Variants in AFF2 observed in about 807,000 individuals in gnomAD.
AFF2 encodes AF4/FMR2 family member 2.
Under a neutral mutation model 76.9 loss-of-function variants are expected in AFF2, and 14 were observed. That is an observed-to-expected ratio of 0.18 (90% CI 0.12 to 0.28). AFF2 has a LOEUF of 0.28. AFF2 is among the 10% of genes least tolerant of loss of function. The probability of loss-of-function intolerance (pLI) is 1.00; values close to 1 mark genes in which losing one functional copy is unlikely to be tolerated. For synonymous variants in AFF2, 398 were observed against 366.7 expected, an observed-to-expected ratio of 1.09 and a Z score of -0.98; for missense variants, 868 against 1,001.1, an observed-to-expected ratio of 0.87 and a Z score of 1.79.
intron 3 of AFF2, among the ~76,000 whole-genome samples, chrX:148,747,481 T>C (rs1157159946): frequency 1.8e-5 from 2 of 112,199 alleles, no homozygotes; most frequent in Non-Finnish European, 3.8e-5. Flanking sequence ...TTTGAATCTT[T>C]ATTATAAGAC....
intron 3 of AFF2, among the ~76,000 whole-genome samples, chrX:148,783,293 C>G (rs1308609839): frequency 9.0e-6 from 1 of 111,710 alleles, no homozygotes; most frequent in Non-Finnish European, 1.9e-5. Context: ...CACCATGAAC[C>G]ACCAAGAGGT....
chrX:148,581,164 CACATACAT>C (rs782091812), intron 1 of AFF2, among the ~76,000 whole-genome samples: 1 of 86,740 alleles, frequency 1.2e-5, no homozygotes, highest in Non-Finnish European at 2.4e-5. Flanking sequence ...TACGTATACA[CACATACAT>C]ATACGTATAC....
rs782001141 is a variant in AFF2, at chrX:148,675,726, G to A, written c.1041+12958G>A. Among the ~76,000 whole-genome samples the A allele has an allele frequency of 3.6e-5, 4 of 109,708 alleles. No individual in the cohort carries two copies. In the South Asian group the frequency reaches 1.6e-3, roughly 44 times the overall value. ...GACCAGGATGTTCATCCTGAGTGGG[G>A]TCTGACTAAATGTTCTCTCCTGTGT... On this transcript the variant is annotated intron_variant, in intron 3 of 20. Coordinates refer to ENST00000370460, the MANE Select transcript of AFF2 (RefSeq NM_002025.4).
At chrX:148,660,911 C>T (rs1180953396) in intron 2 of AFF2, among the ~76,000 whole-genome samples, 2 of 112,556 alleles carry the variant, frequency 1.8e-5, no homozygotes, top group African/African-American at 3.2e-5. Context: ...TCCAAGTATA[C>T]AGCTACCCAC....
intron 3 of AFF2, among the ~76,000 whole-genome samples, chrX:148,671,011 T>C (rs914415673): frequency 4.5e-5 from 5 of 110,762 alleles, no homozygotes; most frequent in Non-Finnish European, 9.4e-5. Flanking sequence ...CTTTCTCCTA[T>C]GTATTTTTTT....
chrX:148,595,571 T>G (rs2053564309), intron 1 of AFF2, among the ~76,000 whole-genome samples: 1 of 112,330 alleles, frequency 8.9e-6, no homozygotes, highest in Admixed American at 9.4e-5. Flanking sequence ...GTTGGATTAG[T>G]GATATGTGCA....
intron 1 of AFF2, among the ~76,000 whole-genome samples, chrX:148,635,942 C>T (rs895802306): frequency 2.3e-4 from 25 of 110,675 alleles, no homozygotes; most frequent in Admixed American, 6.8e-4. Flanking sequence ...ATGGAATAAG[C>T]AAGCCCACAG....
chrX:148,754,847 C>A (rs2055542713), intron 3 of AFF2, among the ~76,000 whole-genome samples: 1 of 111,477 alleles, frequency 9.0e-6, no homozygotes, highest in Non-Finnish European at 1.9e-5. Flanking sequence ...TACACGTAAC[C>A]CCTGCCCTCC....
chrX:148,580,745 G>GTATA lies in AFF2; in HGVS notation c.48-71246_48-71243dup, dbSNP rs59447437. On this transcript the variant is annotated intron_variant, in intron 1 of 20. Coordinates refer to ENST00000370460, the MANE Select transcript of AFF2 (RefSeq NM_002025.4). ...TATATATATATGTGTGTGTGTGTGTGTATATATATATGTGTGTGTATTTTT... is the reference window on the plus strand; with the variant it reads ...TATATATATATGTGTGTGTGTGTGTGTATATATATATATATGTGTGTGTATTTTT... Among the ~76,000 whole-genome samples, 110 of 106,013 alleles carry GTATA rather than the reference G, an allele frequency of 1.0e-3. 1 individual carries two copies. The highest frequency in any genetic ancestry group is 2.4e-3 in the African/African-American group (71 of 29,052). The allele number at this position is 106,013 out of a possible 115,157, so 92.1% of individuals were successfully genotyped here. A position where few individuals can be genotyped will look rare whatever the true frequency, so the allele number is the denominator to read the frequency against.
At chrX:148,737,899 T>C (rs1250391871) in intron 3 of AFF2, among the ~76,000 whole-genome samples, 1 of 112,123 alleles carries the variant, frequency 8.9e-6, no homozygotes, top group African/African-American at 3.2e-5. Flanking sequence ...TTTTTAATTC[T>C]GTTTATGTGG....
intron 3 of AFF2, among the ~76,000 whole-genome samples, chrX:148,780,414 A>G (rs782429259): frequency 3.6e-5 from 4 of 111,546 alleles, no homozygotes; most frequent in Non-Finnish European, 7.5e-5. Flanking sequence ...CTTTTCACAT[A>G]GTTCCATATT....
At chrX:148,940,888 C>A (rs782745554) in intron 9 of AFF2, among the ~76,000 whole-genome samples, 12 of 111,387 alleles carry the variant, frequency 1.1e-4, no homozygotes, top group African/African-American at 3.9e-4. Context: ...CACTTGGCCT[C>A]CTTCAATTTA....
At chrX:148,947,704 T>G (rs1569557392) in intron 9 of AFF2, among the ~76,000 whole-genome samples, 2 of 111,956 alleles carry the variant, frequency 1.8e-5, no homozygotes, top group South Asian at 3.8e-4. Context: ...GCTCCAGTTC[T>G]GGAACCCAGA....
intron 9 of AFF2, among the ~76,000 whole-genome samples, chrX:148,933,842 C>T (rs2124301983): frequency 9.0e-6 from 1 of 111,620 alleles, no homozygotes; most frequent in South Asian, 3.8e-4. Flanking sequence ...TTATCTATTA[C>T]CAATATTGAG....
At chrX:148,958,218 T>A in intron 11 of AFF2, 119 bp from the exon 12 acceptor site, 1 of 988,456 alleles carries the variant, frequency 1.0e-6, no homozygotes. Flanking sequence ...CTCACCTACC[T>A]AATCTAGAAG....
chrX:148,910,430 G>A (rs1557281870), intron 9 of AFF2, among the ~76,000 whole-genome samples: 1 of 112,455 alleles, frequency 8.9e-6, no homozygotes, highest in Non-Finnish European at 1.9e-5. Context: ...GAGTCTAGCA[G>A]AAAAGATAAA....
At chrX:148,911,902 A>G (rs1429904571) in intron 9 of AFF2, among the ~76,000 whole-genome samples, 1 of 112,164 alleles carries the variant, frequency 8.9e-6, no homozygotes, top group African/African-American at 3.2e-5. Context: ...ACCCAAAGGA[A>G]TATAAATCAT....
At position 148,533,993 on chromosome X, in the gene AFF2, A is replaced by G. The variant is rs782040450; in HGVS notation, c.47+32849A>G. The stretch of plus-strand genomic sequence containing the variant: ...GTTTTCTTTTAAAAACCATACTTCA[A>G]TGTAATTCCCATTGCCACTTTTGCC... On this transcript the variant is annotated intron_variant, in intron 1 of 20. Coordinates refer to ENST00000370460, the MANE Select transcript of AFF2 (RefSeq NM_002025.4). Among the ~76,000 whole-genome samples, 5 of 112,145 alleles carry G rather than the reference A, an allele frequency of 4.5e-5. No homozygotes were observed. The East Asian group carries it at 1.1e-3, about 25-fold the overall frequency.
chrX:148,695,783 TA>T (rs1278716629), intron 3 of AFF2, among the ~76,000 whole-genome samples: 1 of 112,239 alleles, frequency 8.9e-6, no homozygotes, highest in Non-Finnish European at 1.9e-5. Context: ...ACATGTAGTT[TA>T]GAGAAAGTGA....
Sources: gnomAD v4.1 joint callset for allele counts (sites outside exome capture counted in the v4.1 genomes callset) on GRCh38, gnomAD v4.1.1 for gene constraint, MANE v1.5 for transcripts, NCBI Gene and HGNC (gene_info 2026-07-23, HGNC 2026-07-21) for gene names.